Variants in CEP57 observed in about 807,000 individuals in gnomAD.
The protein encoded by CEP57 is centrosomal protein 57, also known as centrosomal protein of 57 kDa.
A neutral mutation model predicts 68.0 loss-of-function variants in CEP57; 40 were observed. The ratio of observed to expected loss-of-function variants is 0.59; its 90% CI spans 0.46 to 0.77. The LOEUF (loss-of-function observed/expected upper bound fraction) is 0.77, where lower values mean the gene tolerates loss of function less well. Among genes scored for constraint, CEP57 ranks in the 30% least tolerant of loss-of-function variants. CEP57 has a pLI of 0.00. For synonymous variants in CEP57, 219 were observed against 198.7 expected (o/e 1.10, Z -0.86); for missense variants, 606 against 580.7 (o/e 1.04, Z -0.45).
chr11:95,818,962 A>G, intron 6 of CEP57, 58 bp downstream of exon 6: 3 of 1,288,314 alleles, frequency 2.3e-6, no homozygotes. Flanking sequence ...TTTGTGTACA[A>G]GTAAACAATT....
At chr11:95,792,155 G>C (rs1861112021) in intron 1 of CEP57, among the ~76,000 whole-genome samples, 1 of 152,112 alleles carries the variant, frequency 6.6e-6, no homozygotes, top group Non-Finnish European at 1.5e-5. Flanking sequence ...GGAGAAGTAA[G>C]GAAAGCAGCA....
chr11:95,810,157 A>G (rs573923665), intron 2 of CEP57, among the ~76,000 whole-genome samples: 1 of 152,342 alleles, frequency 6.6e-6, no homozygotes, highest in African/African-American at 2.4e-5. Flanking sequence ...GCAGCCCTTC[A>G]TGCTAAAAAC....
chr11:95,814,069 A>C (rs1862191477), intron 4 of CEP57, among the ~76,000 whole-genome samples: 1 of 151,970 alleles, frequency 6.6e-6, no homozygotes, highest in South Asian at 2.1e-4. Flanking sequence ...AATTGATTGG[A>C]TCTCACTCTG....
chr11:95,812,018 T>C (rs986931371), intron 2 of CEP57, among the ~76,000 whole-genome samples: 2 of 152,204 alleles, frequency 1.3e-5, no homozygotes, highest in Non-Finnish European at 2.9e-5. Context: ...TCATTATCTT[T>C]GGGTAATAGG....
At chr11:95,811,139 T>C (rs1467820168) in intron 2 of CEP57, among the ~76,000 whole-genome samples, 4 of 152,186 alleles carry the variant, frequency 2.6e-5, no homozygotes, top group Non-Finnish European at 5.9e-5. Context: ...TACACATGTA[T>C]GTTTATTGCG....
At chr11:95,794,693 A>G (rs1861263015) in intron 1 of CEP57, among the ~76,000 whole-genome samples, 1 of 151,898 alleles carries the variant, frequency 6.6e-6, no homozygotes, top group Non-Finnish European at 1.5e-5. Context: ...AGTTGTTGTT[A>G]CTTTTAATGT....
chr11:95,825,069 T>G (rs1862681949), intron 8 of CEP57, among the ~76,000 whole-genome samples: 1 of 152,214 alleles, frequency 6.6e-6, no homozygotes, highest in Non-Finnish European at 1.5e-5. Flanking sequence ...AGTAGTCTAC[T>G]TGTCCCTAAA....
At chr11:95,796,814 T>G (rs1008271381) in intron 1 of CEP57, among the ~76,000 whole-genome samples, 25 of 152,164 alleles carry the variant, frequency 1.6e-4, no homozygotes, top group Non-Finnish European at 3.5e-4. Flanking sequence ...ATTATGGGAT[T>G]CCTGCAGCTT....
chr11:95,814,454 G>A (rs901260708), intron 4 of CEP57, among the ~76,000 whole-genome samples: 7 of 146,694 alleles, frequency 4.8e-5, no homozygotes, highest in East Asian at 4.1e-4. Context: ...TCCACCTCCC[G>A]GGTTCAAGTG....
rs746718785 is a variant in CEP57, at chr11:95,813,499, T to C, written c.414T>C (p.Asn138=). 1 of 1,612,760 alleles carries C rather than the reference T, an allele frequency of 6.2e-7. No homozygotes were observed. Among genetic ancestry groups the C allele is most frequent in the East Asian group, 2.2e-5 (1 of 44,824 alleles). The change falls in exon 4 of 11, where the codon AAT becomes AAC. Residue 138 remains asparagine, a synonymous_variant. Coordinates refer to ENST00000325542, the MANE Select transcript of CEP57 (RefSeq NM_014679.5). ...CATCTCAGTTGTTAGCTGCAGAAAA[T>C]AAATGCAATCTATTAGAAAAACAAT... ...ELTSQLLAAE[N]KCNLLEKQLE... is the part of the protein sequence containing the mutation.
At chr11:95,791,888 G>A (rs1861098469) in intron 1 of CEP57, among the ~76,000 whole-genome samples, 1 of 152,178 alleles carries the variant, frequency 6.6e-6, no homozygotes, top group Non-Finnish European at 1.5e-5. Flanking sequence ...AGAGCTGGAT[G>A]AGGTGAATTG....
intron 2 of CEP57, among the ~76,000 whole-genome samples, chr11:95,800,367 G>A (rs1246167001): frequency 6.6e-6 from 1 of 151,804 alleles, no homozygotes; most frequent in African/African-American, 2.4e-5. Context: ...GTAACAGTAG[G>A]TAGTCTCTCA....
At chr11:95,824,717 T>C (rs1194949131) in intron 8 of CEP57, among the ~76,000 whole-genome samples, 1 of 152,148 alleles carries the variant, frequency 6.6e-6, no homozygotes, top group Admixed American at 6.5e-5. Context: ...GGAGGACAAG[T>C]CAGCACCAGG....
intron 1 of CEP57, among the ~76,000 whole-genome samples, chr11:95,796,698 G>A (rs1435718273): frequency 6.6e-6 from 1 of 152,164 alleles, no homozygotes; most frequent in East Asian, 1.9e-4. Flanking sequence ...CTGCCCAGAT[G>A]TTGCTCAGAC....
At chr11:95,825,710 C>A (rs1862710831) in intron 8 of CEP57, 1 of 151,992 alleles carries the variant, frequency 6.6e-6, no homozygotes, top group African/African-American at 2.4e-5. Context: ...AATTCTCCCA[C>A]CTCAGCCTCC....
intron 1 of CEP57, chr11:95,795,466 G>A (rs866378090): frequency 2.3e-6 from 1 of 434,184 alleles, no homozygotes; most frequent in Non-Finnish European, 4.1e-6. Flanking sequence ...ACGAAATTGG[G>A]ATTCTTCCTT....
At chr11:95,802,094 G>A (rs1861604039) in intron 2 of CEP57, among the ~76,000 whole-genome samples, 2 of 152,088 alleles carry the variant, frequency 1.3e-5, no homozygotes. Context: ...GACATTTGTT[G>A]GGGATAGGGA....
chr11:95,806,137 C>T (rs570862872), intron 2 of CEP57, among the ~76,000 whole-genome samples: 2 of 152,196 alleles, frequency 1.3e-5, no homozygotes, highest in South Asian at 4.1e-4. Flanking sequence ...TCAAAAGAAC[C>T]ATCCTGTAAT....
chr11:95,790,539 G>GT lies in CEP57; in HGVS notation c.-159dup, dbSNP rs2135217965. The GT allele has an allele frequency of 1.3e-6, 1 of 764,222 alleles. No individual in the cohort carries two copies. The highest frequency in any genetic ancestry group is 1.7e-5 in the African/African-American group (1 of 57,332). 47.3% of individuals were successfully genotyped at this position (764,222 alleles called of 1,614,324 possible). On this transcript the variant is annotated 5_prime_UTR_variant, in exon 1 of 11. Transcript: ENST00000325542. ...TGAGCGTAGGCGGCCCTGAGGGGGT[G>GT]TGTTGCAGGGGTTTCCAAGCCCAGC... is the stretch of plus-strand genomic sequence containing the variant.
Sources: gnomAD v4.1 joint callset for allele counts (sites outside exome capture counted in the v4.1 genomes callset) on GRCh38, gnomAD v4.1.1 for gene constraint, MANE v1.5 for transcripts, NCBI Gene and HGNC (gene_info 2026-07-23, HGNC 2026-07-21) for gene names.